The following EHF variants were observed in gnomAD, a reference collection of about 807,000 sequenced individuals.
The protein encoded by EHF is ETS homologous factor.
A neutral mutation model predicts 45.1 loss-of-function variants in EHF; 14 were observed. The ratio of observed to expected loss-of-function variants is 0.31; its 90% CI spans 0.21 to 0.49. The LOEUF (loss-of-function observed/expected upper bound fraction) is 0.49, where lower values mean the gene tolerates loss of function less well. EHF is among the 20% of genes least tolerant of loss of function. The probability of loss-of-function intolerance (pLI) is 0.99; values close to 1 mark genes in which losing one functional copy is unlikely to be tolerated. For missense variants in EHF, 282 were observed against 371.4 expected, an observed-to-expected ratio of 0.76 and a Z score of 1.98; for synonymous variants, 136 against 131.8, an observed-to-expected ratio of 1.03 and a Z score of -0.22.
chr11:34,637,029 C>CA (rs34992133), intron 1 of EHF, among the ~76,000 whole-genome samples: 12,022 of 86,700 alleles, frequency 0.14, 876 homozygotes, highest in Admixed American at 0.23. Flanking sequence ...AACTTCATCT[C>CA]AAAAAAAAAA....
At chr11:34,638,926 A>G (rs1853714851) in intron 1 of EHF, among the ~76,000 whole-genome samples, 1 of 152,182 alleles carries the variant, frequency 6.6e-6, no homozygotes, top group Non-Finnish European at 1.5e-5. Flanking sequence ...TTAGAGGAAC[A>G]CCTTGAGAAT....
At chr11:34,653,271 G>A (rs286894) in intron 6 of EHF, among the ~76,000 whole-genome samples, 233 of 152,154 alleles carry the variant, frequency 1.5e-3, no homozygotes, top group South Asian at 3.1e-3. Context: ...TGAGCCTCAG[G>A]GGCTAGTAGG....
chr11:34,661,256 T>C lies in EHF; in HGVS notation c.*2325T>C, dbSNP rs1856063061. 6.6e-6 allele frequency among the ~76,000 whole-genome samples: 1 copy of C among 152,122 alleles called. No homozygotes were observed. Among genetic ancestry groups the C allele is most frequent in the Non-Finnish European group, 1.5e-5 (1 of 68,014 alleles). On this transcript the variant is annotated 3_prime_UTR_variant, in exon 9 of 9. Coordinates refer to ENST00000257831, the MANE Select transcript of EHF (RefSeq NM_012153.6). Reference sequence around the variant, plus strand: ...TTGTGTGTCTGTGTGTGTGTCTGAGTTGTGTGATTTTATTAGGGGCATCTG... The same window carrying C: ...TTGTGTGTCTGTGTGTGTGTCTGAGCTGTGTGATTTTATTAGGGGCATCTG...
At chr11:34,623,757 A>G (rs899319147) in intron 1 of EHF, among the ~76,000 whole-genome samples, 7 of 152,182 alleles carry the variant, frequency 4.6e-5, no homozygotes, top group African/African-American at 7.2e-5. Flanking sequence ...TATTTCCTCT[A>G]TATCTTTCCC....
chr11:34,658,761 G>T (rs981064678), intron 8 of EHF, 33 bp downstream of exon 8: 4 of 1,608,628 alleles, frequency 2.5e-6, no homozygotes, highest in Non-Finnish European at 3.4e-6. Flanking sequence ...AAACAAAAAG[G>T]CTGTACGACC....
chr11:34,648,727 T>C (rs1854834132), intron 3 of EHF, among the ~76,000 whole-genome samples: 1 of 152,188 alleles, frequency 6.6e-6, no homozygotes, highest in Non-Finnish European at 1.5e-5. Flanking sequence ...TAGCTAGTAG[T>C]TGAAAAACTG....
At position 34,658,826 on chromosome 11, in the gene EHF, T is replaced by C. The variant is rs1294542929; in HGVS notation, c.804-6T>C. 6.2e-7 allele frequency: 1 copy of C among 1,610,972 alleles called. No individual in the cohort carries two copies. The highest frequency in any genetic ancestry group is 1.1e-5 in the South Asian group (1 of 90,250). On this transcript the variant is annotated splice_region_variant and splice_polypyrimidine_tract_variant and intron_variant, in intron 8 of 8. Transcript: ENST00000257831. ...CAGTCACCTTATGCAATCTCCTTTG[T>C]TACAGATATTACTACAAAAGAGAAA...
At chr11:34,628,905 G>C (rs1852618247) in intron 1 of EHF, among the ~76,000 whole-genome samples, 1 of 152,164 alleles carries the variant, frequency 6.6e-6, no homozygotes, top group South Asian at 2.1e-4. Flanking sequence ...TTGGTTTAAG[G>C]CTCTGCTGTT....
intron 6 of EHF, among the ~76,000 whole-genome samples, 171 bp downstream of exon 6, chr11:34,651,976 C>T (rs1034462520): frequency 1.3e-5 from 2 of 152,172 alleles, no homozygotes; most frequent in Non-Finnish European, 2.9e-5. Context: ...ATTTGTACAT[C>T]GAAGATGACC....
At chr11:34,647,282 G>A (rs1854659758) in intron 3 of EHF, among the ~76,000 whole-genome samples, 1 of 152,174 alleles carries the variant, frequency 6.6e-6, no homozygotes, top group South Asian at 2.1e-4. Flanking sequence ...ACACGTGTAT[G>A]GGGAATGTTT....
At chr11:34,633,239 A>G (rs573432344) in intron 1 of EHF, among the ~76,000 whole-genome samples, 9 of 152,340 alleles carry the variant, frequency 5.9e-5, no homozygotes, top group African/African-American at 2.2e-4. Flanking sequence ...AATTCCCTCA[A>G]GTTGGCAAAT....
chr11:34,662,339 C>A lies in EHF; in HGVS notation c.*3408C>A, dbSNP rs929912660. ...TTTTACTGTGAGACTCTTTATTTTGCCTTCTACTTGCGCTGAAATGAAACC... is the reference window on the plus strand; with the variant it reads ...TTTTACTGTGAGACTCTTTATTTTGACTTCTACTTGCGCTGAAATGAAACC... On this transcript the variant is annotated 3_prime_UTR_variant, in exon 9 of 9. Coordinates refer to ENST00000257831, the MANE Select transcript of EHF (RefSeq NM_012153.6). 1.3e-5 allele frequency among the ~76,000 whole-genome samples: 2 copies of A among 151,952 alleles called. No homozygotes were observed. The highest frequency in any genetic ancestry group is 2.9e-5 in the Non-Finnish European group (2 of 67,982).
At position 34,646,563 on chromosome 11, in the gene EHF, T is replaced by C. The variant is rs1160509791; in HGVS notation, c.222T>C (p.Pro74=). 2 of 1,613,680 alleles carry C rather than the reference T, an allele frequency of 1.2e-6. No individual in the cohort carries two copies. Among genetic ancestry groups the C allele is most frequent in the African/African-American group, 1.3e-5 (1 of 74,906 alleles). The change falls in exon 3 of 9, where the codon CCT becomes CCC. Residue 74 remains proline, a synonymous_variant. Coordinates refer to ENST00000257831, the MANE Select transcript of EHF (RefSeq NM_012153.6). ...ACCAGCTGGATGCCAATTGTATCCC[T>C]TTCCAAGAGTTCGACATCAACGGCG... ...DTNQLDANCI[P]FQEFDINGEH... is the part of the protein sequence containing the mutation.
chr11:34,623,220 G>A (rs1431697670), intron 1 of EHF, among the ~76,000 whole-genome samples: 1 of 151,928 alleles, frequency 6.6e-6, no homozygotes, highest in Non-Finnish European at 1.5e-5. Flanking sequence ...CGAGTAGCTG[G>A]GATTACATGT....
At chr11:34,645,379 C>G (rs1426097911) in intron 2 of EHF, among the ~76,000 whole-genome samples, 6 of 152,078 alleles carry the variant, frequency 3.9e-5, no homozygotes, top group African/African-American at 1.4e-4. Context: ...TCCTCAGATG[C>G]CTACCTTATT....
chr11:34,656,938 A>AC lies in EHF; in HGVS notation c.581dup (p.Ala195CysfsTer40), dbSNP rs1323656011. On this transcript the variant is annotated frameshift_variant, in exon 7 of 9. Coordinates refer to ENST00000257831, the MANE Select transcript of EHF (RefSeq NM_012153.6). LOFTEE classifies it high-confidence loss of function. Reference sequence around the variant, plus strand: ...TCACCTGATATGAAAAAGGAGCAAGACCCCCCTGCCAAGTGCCACACCAAA... The same window carrying AC: ...TCACCTGATATGAAAAAGGAGCAAGACCCCCCCTGCCAAGTGCCACACCAAA... The AC allele has an allele frequency of 1.2e-6, 2 of 1,613,452 alleles. No homozygotes were observed. Among genetic ancestry groups the AC allele is most frequent in the Middle Eastern group, 1.7e-4 (1 of 6,058 alleles).
chr11:34,636,813 A>G (rs1336020007), intron 1 of EHF, among the ~76,000 whole-genome samples: 1 of 152,124 alleles, frequency 6.6e-6, no homozygotes. Flanking sequence ...CAGGCAGATC[A>G]CCTGAGGTCA....
chr11:34,645,431 G>A (rs1368166223), intron 2 of EHF, among the ~76,000 whole-genome samples: 1 of 152,100 alleles, frequency 6.6e-6, no homozygotes, highest in African/African-American at 2.4e-5. Context: ...TATATGGTGA[G>A]CATCTACTAT....
At chr11:34,645,409 C>T (rs999830752) in intron 2 of EHF, among the ~76,000 whole-genome samples, 1 of 152,118 alleles carries the variant, frequency 6.6e-6, no homozygotes, top group Non-Finnish European at 1.5e-5. Context: ...AAAATACATT[C>T]CATTAAATAA....
Sources: allele counts gnomAD v4.1 joint callset (sites outside exome capture counted in the v4.1 genomes callset), GRCh38; gene constraint gnomAD v4.1.1; transcripts MANE v1.5; gene names NCBI Gene and HGNC (gene_info 2026-07-23, HGNC 2026-07-21).